Variants in VPS28 observed in about 807,000 individuals in gnomAD.
VPS28 encodes vacuolar protein sorting-associated protein 28 homolog.
In VPS28, 29 loss-of-function variants were observed where a neutral mutation model predicts 33.7. That is an observed-to-expected ratio of 0.86 (90% CI 0.64 to 1.17). The LOEUF (loss-of-function observed/expected upper bound fraction) is 1.17. Ranked by LOEUF, VPS28 falls within the 50% of genes most tolerant of loss-of-function variation. VPS28 has a pLI of 0.00. For synonymous variants in VPS28, 164 were observed against 116.7 expected (o/e 1.40, Z -2.61); for missense variants, 247 against 312.2 (o/e 0.79, Z 1.57).
In VPS28 at chr8:144,424,410, G is replaced by A. The variant is rs1228244006; in HGVS notation, c.403-142C>T. ...TGTTCCCAAACCCTGCAGGCCTCCT[G>A]GGTGAACGAGGTCCTGGCTGCCCAG... is the stretch of plus-strand genomic sequence containing the variant. On this transcript the variant is annotated intron_variant, in intron 7 of 9. Coordinates refer to ENST00000292510, the MANE Select transcript of VPS28 (RefSeq NM_016208.4). 10 of 1,118,718 alleles carry A rather than the reference G, an allele frequency of 8.9e-6. No homozygotes were observed. In the Admixed American group the frequency reaches 1.7e-4, roughly 19 times the overall value. 69.3% of individuals were successfully genotyped at this position (1,118,718 alleles called of 1,614,324 possible). A position where few individuals can be genotyped will look rare whatever the true frequency, so the allele number is the denominator to read the frequency against.
chr8:144,425,336 A>G (rs1822658737), intron 5 of VPS28: 2 of 564,286 alleles, frequency 3.5e-6, no homozygotes, highest in South Asian at 2.1e-5. Flanking sequence ...TCCACAGCTC[A>G]TGGTCCTGTG....
rs529309332 is a variant in VPS28 at position 144,424,341 on chromosome 8, CCCT to C, written c.403-76_403-74del. 166 of 1,512,602 alleles carry C rather than the reference CCCT, an allele frequency of 1.1e-4. 1 individual carries two copies. The East Asian group carries it at 3.6e-3, about 33-fold the overall frequency. The allele number at this position is 1,512,602 out of a possible 1,614,324, so 93.7% of individuals were successfully genotyped here. ...GGCCCCACGGCTCACGGGCCCCAAC[CCCT>C]CCTCAGCCACAGCTGTCACTTGGGC... On this transcript the variant is annotated intron_variant, in intron 7 of 9. Coordinates refer to ENST00000292510, the MANE Select transcript of VPS28 (RefSeq NM_016208.4).
chr8:144,425,597 A>G, intron 5 of VPS28, 86 bp downstream of exon 5: 1 of 1,461,836 alleles, frequency 6.8e-7, no homozygotes, highest in Non-Finnish European at 9.4e-7. Flanking sequence ...GGTGCCTCCC[A>G]GCCTGACAGA....
intron 1 of VPS28, 149 bp from the exon 2 acceptor site, chr8:144,427,128 T>C (rs781997924): frequency 4.2e-5 from 21 of 502,124 alleles, no homozygotes; most frequent in Non-Finnish European, 1.4e-5. Flanking sequence ...GGTGAAACCC[T>C]GTCTCTACTA....
Position 144,424,788 on chromosome 8 carries a change from T to A in VPS28, c.332A>T (p.Lys111Met). Reference protein sequence around the residue: ...LDCPLAMERIKEDRPITIKDD... With the variant: ...LDCPLAMERIMEDRPITIKDD... The stretch of plus-strand genomic sequence containing the variant: ...CTTGATGGTGATGGGCCGGTCCTCC[T>A]TGATCCGCTCCATGGCCAGCGGGCA... The change falls in exon 7 of 10, where the codon AAG (lysine) becomes ATG (methionine). Residue 111 changes from lysine to methionine, a missense_variant. Lys to Met is a moderately conservative substitution (Grantham distance 95). Coordinates refer to ENST00000292510, the MANE Select transcript of VPS28 (RefSeq NM_016208.4). 6.2e-7 allele frequency: 1 copy of A among 1,613,832 alleles called. No homozygotes were observed. Among genetic ancestry groups the A allele is most frequent in the Non-Finnish European group, 8.5e-7 (1 of 1,179,970 alleles).
Position 144,425,691 on chromosome 8 carries a change from G to A in VPS28, c.186C>T (p.Ser62=), listed in dbSNP as rs369123130. 1 of 1,613,810 alleles carries A rather than the reference G, an allele frequency of 6.2e-7. No individual in the cohort carries two copies. The highest frequency in any genetic ancestry group is 8.5e-7 in the Non-Finnish European group (1 of 1,179,870). Residue 62 remains serine (S), a synonymous_variant, in exon 5 of 10, where the codon TCC becomes TCT. Coordinates refer to ENST00000292510, the MANE Select transcript of VPS28 (RefSeq NM_016208.4). ...LEKAYIKDCV[S]PSEYTAACSR... ...AGGACGTGGGCTCTTACTCGCTGGG[G>A]GAGACACAGTCCTTGATGTAGGCCT...
chr8:144,427,435 C>T (rs533253747), intron 1 of VPS28: 47 of 153,438 alleles, frequency 3.1e-4, no homozygotes, highest in Non-Finnish European at 5.4e-4. Context: ...ATAGGGGCTA[C>T]CAGAAAAAGT....
Position 144,426,799 on chromosome 8 carries a change from G to A in VPS28, c.37+110C>T, listed in dbSNP as rs1295504802. ...TTAGCCCCTGGCCACCCCCAAGGCTGTACGAGAGCAGGGTCAGATACCTCC... is the reference window on the plus strand; with the variant it reads ...TTAGCCCCTGGCCACCCCCAAGGCTATACGAGAGCAGGGTCAGATACCTCC... On this transcript the variant is annotated intron_variant, in intron 2 of 9. Coordinates refer to ENST00000292510, the MANE Select transcript of VPS28 (RefSeq NM_016208.4). The A allele has an allele frequency of 3.9e-6, 5 of 1,267,408 alleles. No individual in the cohort carries two copies. In the African/African-American group the frequency reaches 7.4e-5, roughly 19 times the overall value. 78.5% of individuals were successfully genotyped at this position (1,267,408 alleles called of 1,614,324 possible).
intron 6 of VPS28, 28 bp from the exon 7 acceptor site, chr8:144,424,847 C>A (rs187622665): frequency 1.2e-6 from 2 of 1,613,218 alleles, no homozygotes; most frequent in African/African-American, 1.3e-5. Flanking sequence ...GGTGCTGGGG[C>A]TCTCAGGACA....
intron 4 of VPS28, 65 bp downstream of exon 4, chr8:144,425,961 G>A (rs921351358): frequency 1.4e-6 from 2 of 1,470,580 alleles, no homozygotes; most frequent in East Asian, 2.5e-5. Context: ...TGGGTCTGGA[G>A]GGGCTGCCCC....
rs546367936 is a variant in VPS28, at chr8:144,426,509, G to A, written c.38-301C>T. 72 of 449,638 alleles carry A rather than the reference G, an allele frequency of 1.6e-4. 2 individuals carry two copies. The highest frequency in any genetic ancestry group is 1.7e-4 in the Non-Finnish European group (43 of 249,600). The allele number at this position is 449,638 out of a possible 1,614,324, so 27.9% of individuals were successfully genotyped here. On this transcript the variant is annotated intron_variant, in intron 2 of 9. Coordinates refer to ENST00000292510, the MANE Select transcript of VPS28 (RefSeq NM_016208.4). ...CCAGCTCCACTGCGGCTCCCCGGGG[G>A]ACCGCATGACAGGCCCAGCTCCCCA...
At position 144,424,257 on chromosome 8, in the gene VPS28, CGTG is replaced by C; in HGVS notation, c.411_413del (p.Ile137_Thr138delinsMet). On this transcript the variant is annotated inframe_deletion, in exon 8 of 10. Transcript: ENST00000292510. Reference sequence around the variant, plus strand: ...TCTCCAGACGCAGCTTGTCCATGACCGTGATGAAGAGCTGGGGGCAGGTGTGCA... The same window carrying C: ...TCTCCAGACGCAGCTTGTCCATGACCATGAAGAGCTGGGGGCAGGTGTGCA... The C allele has an allele frequency of 6.2e-7, 1 of 1,604,710 alleles. No homozygotes were observed. The highest frequency in any genetic ancestry group is 2.2e-5 in the East Asian group (1 of 44,680).
Position 144,426,937 on chromosome 8 carries a change from A to G in VPS28, c.9T>C (p.His3=). Reference sequence around the variant, plus strand: ...CTATGCCCGGCGTGGCTGGGATCCCATGAAACATCCTCTAGGCTCTGGGGG... The same window carrying G: ...CTATGCCCGGCGTGGCTGGGATCCCGTGAAACATCCTCTAGGCTCTGGGGG... MF[H]GIPATPGIGA... Residue 3 remains histidine, a synonymous_variant, in exon 2 of 10, where the codon CAT becomes CAC. Coordinates refer to ENST00000292510, the MANE Select transcript of VPS28 (RefSeq NM_016208.4). 1 of 1,612,254 alleles carries G rather than the reference A, an allele frequency of 6.2e-7. No individual in the cohort carries two copies. Among genetic ancestry groups the G allele is most frequent in the Non-Finnish European group, 8.5e-7 (1 of 1,179,616 alleles).
intron 4 of VPS28, 114 bp from the exon 5 acceptor site, chr8:144,425,886 TC>T (rs1822697296): frequency 3.8e-5 from 58 of 1,534,980 alleles, no homozygotes; most frequent in Admixed American, 9.8e-5. Flanking sequence ...TCTTGCTCCA[TC>T]CTGGAGTGCC....
chr8:144,424,394 A>G, intron 7 of VPS28, 126 bp from the exon 8 acceptor site: 1 of 1,282,632 alleles, frequency 7.8e-7, no homozygotes, highest in Non-Finnish European at 1.1e-6. Context: ...CTGTTCCCAA[A>G]CCCTGCAGGC....
At chr8:144,425,188 G>T (rs1822649019) in intron 5 of VPS28, 137 bp from the exon 6 acceptor site, 1 of 734,544 alleles carries the variant, frequency 1.4e-6, no homozygotes, top group South Asian at 1.7e-5. Context: ...CAAGGAGGAG[G>T]GGCTGCTAGT....
chr8:144,426,302 C>A, intron 2 of VPS28, 94 bp from the exon 3 acceptor site: 1 of 1,436,316 alleles, frequency 7.0e-7, no homozygotes, highest in Non-Finnish European at 9.2e-7. Flanking sequence ...CTCCCTGAGG[C>A]CTCCCAGGCT....
intron 7 of VPS28, 64 bp downstream of exon 7, chr8:144,424,654 C>T (rs1156888193): frequency 1.4e-5 from 21 of 1,554,912 alleles, no homozygotes; most frequent in Non-Finnish European, 1.7e-5. Context: ...ACCCTACGCT[C>T]GTGCCCAGCT....
rs782624660 is a variant in VPS28, at chr8:144,424,071, T to C, written c.518A>G (p.Asp173Gly). The change falls in exon 9 of 10, where the codon GAC becomes GGC. Residue 173 changes from aspartate (D) to glycine (G), a missense_variant. Coordinates refer to ENST00000292510, the MANE Select transcript of VPS28 (RefSeq NM_016208.4). ...GCTGACCGTCTGGCGGCCCTCAAAG[T>C]CGGGTGGGAGGTGGCTCATGCGGTG... ...TMHRMSHLPP[D>G]FEGRQTVSQW... is the part of the protein sequence containing the mutation. The C allele has an allele frequency of 1.9e-6, 3 of 1,567,010 alleles. No individual in the cohort carries two copies. The highest frequency in any genetic ancestry group is 4.5e-5 in the East Asian group (2 of 44,316).
Sources: allele counts gnomAD v4.1 joint callset, GRCh38; gene constraint gnomAD v4.1.1; transcripts MANE v1.5; gene names NCBI Gene and HGNC (gene_info 2026-07-23, HGNC 2026-07-21).